The following PTPRA variants were observed in gnomAD, a reference collection of about 807,000 sequenced individuals.
The protein encoded by PTPRA is receptor-type tyrosine-protein phosphatase alpha.
In PTPRA, 25 loss-of-function variants were observed where a neutral mutation model predicts 104.8. That is an observed-to-expected ratio of 0.24 (90% CI 0.17 to 0.33). The LOEUF is 0.33. PTPRA is among the 10% of genes least tolerant of loss of function. PTPRA has a pLI of 1.00. For synonymous variants in PTPRA, 323 were observed against 368.9 expected (o/e 0.88, Z 1.43); for missense variants, 765 against 1,015.3 (o/e 0.75, Z 3.35).
chr20:2,892,623 T>C (rs2058844485), intron 1 of PTPRA, among the ~76,000 whole-genome samples: 1 of 152,200 alleles, frequency 6.6e-6, no homozygotes, highest in Non-Finnish European at 1.5e-5. Flanking sequence ...TCTGCTCAAC[T>C]GTATGCTAAT....
At chr20:2,982,144 G>A (rs1219519685) in intron 6 of PTPRA, among the ~76,000 whole-genome samples, 2 of 147,854 alleles carry the variant, frequency 1.4e-5, no homozygotes, top group Non-Finnish European at 3.0e-5. Flanking sequence ...AGGCTGGAGT[G>A]CAGTGGCACG....
chr20:2,934,298 T>G (rs1253920956), intron 2 of PTPRA, among the ~76,000 whole-genome samples: 1 of 152,080 alleles, frequency 6.6e-6, no homozygotes, highest in Non-Finnish European at 1.5e-5. Flanking sequence ...GAGACTATAT[T>G]TCACCATGTT....
At chr20:2,919,495 T>C (rs1178679432) in intron 1 of PTPRA, among the ~76,000 whole-genome samples, 1 of 152,208 alleles carries the variant, frequency 6.6e-6, no homozygotes, top group African/African-American at 2.4e-5. Context: ...CTGGACACTT[T>C]GCTAGGCTCT....
At chr20:3,008,739 A>AG (rs1447780401) in intron 11 of PTPRA, among the ~76,000 whole-genome samples, 1 of 117,814 alleles carries the variant, frequency 8.5e-6, no homozygotes, top group Non-Finnish European at 1.6e-5. Context: ...AAAAAAAAAA[A>AG]AAAAACAAAA....
At chr20:3,036,839 C>G (rs2065823194) in intron 22 of PTPRA, among the ~76,000 whole-genome samples, 3 of 152,126 alleles carry the variant, frequency 2.0e-5, no homozygotes, top group Non-Finnish European at 4.4e-5. Context: ...CTAGTTCTAA[C>G]TGAGCGAACA....
intron 20 of PTPRA, among the ~76,000 whole-genome samples, chr20:3,030,191 TC>T (rs1188595305): frequency 1.3e-5 from 2 of 152,192 alleles, no homozygotes; most frequent in Non-Finnish European, 1.5e-5. Context: ...TGCAGGCTCT[TC>T]CATCCTTGAA....
intron 5 of PTPRA, among the ~76,000 whole-genome samples, chr20:2,971,138 T>C (rs1198508632): frequency 6.6e-6 from 1 of 152,226 alleles, no homozygotes; most frequent in African/African-American, 2.4e-5. Context: ...TTGTTAATTT[T>C]ATTTTTCAGA....
intron 20 of PTPRA, among the ~76,000 whole-genome samples, chr20:3,034,148 G>A (rs1450778263): frequency 6.6e-6 from 1 of 152,156 alleles, no homozygotes; most frequent in Non-Finnish European, 1.5e-5. Context: ...GCGCACACTT[G>A]TAGTCCCAGC....
chr20:3,028,524 A>G (rs80123361), intron 20 of PTPRA, among the ~76,000 whole-genome samples: 2,891 of 152,298 alleles, frequency 0.019, 78 homozygotes, highest in African/African-American at 0.053. Flanking sequence ...AGCCTCTACT[A>G]AGCACATTCA....
chr20:2,943,154 G>A (rs951240411), intron 2 of PTPRA, among the ~76,000 whole-genome samples: 2 of 151,172 alleles, frequency 1.3e-5, no homozygotes, highest in Admixed American at 1.3e-4. Context: ...AGTTTACGTA[G>A]GGTTCAGTAC....
At chr20:2,975,309 T>C in intron 6 of PTPRA, 68 bp downstream of exon 6, 2 of 1,375,080 alleles carry the variant, frequency 1.5e-6, no homozygotes, top group Non-Finnish European at 2.0e-6. Context: ...TTTCCTCTGC[T>C]CACAGTCTGT....
rs3787478 is a variant in PTPRA at position 2,978,652 on chromosome 20, A to T, written c.442+3411A>T. ...CACCATTTTAGTGGTTTTCATTTTC[A>T]TGCTTGCTCCCTGGCCTGAATCTAG... On this transcript the variant is annotated intron_variant, in intron 6 of 23. Transcript: ENST00000399903. Among the ~76,000 whole-genome samples the T allele has an allele frequency of 1.2e-3, 178 of 152,010 alleles. No homozygotes were observed. In the South Asian group the frequency reaches 0.022, roughly 19 times the overall value.
intron 1 of PTPRA, among the ~76,000 whole-genome samples, chr20:2,905,856 T>C (rs1291439332): frequency 3.9e-5 from 6 of 151,986 alleles, no homozygotes; most frequent in Non-Finnish European, 8.8e-5. Flanking sequence ...GGCTACTTTT[T>C]TGTATTTTTA....
At position 2,873,967 on chromosome 20, in the gene PTPRA, G is replaced by T. The variant is rs2089529856; in HGVS notation, c.-129+207G>T. The stretch of plus-strand genomic sequence containing the variant: ...GGGAGGGGGTCCCCGGAAACGTGCC[G>T]GCCCGAGTGCCGACCCCTCGCGACT... On this transcript the variant is annotated intron_variant, in intron 1 of 23. Coordinates refer to ENST00000399903, the MANE Select transcript of PTPRA (RefSeq NM_001385305.1). The surrounding 1 kb of genome is among the most constrained non-coding windows in gnomAD (Gnocchi z 4.4). Among the ~76,000 whole-genome samples the T allele has an allele frequency of 6.6e-6, 1 of 152,164 alleles. No individual in the cohort carries two copies. Among genetic ancestry groups the T allele is most frequent in the Non-Finnish European group, 1.5e-5 (1 of 68,014 alleles).
chr20:3,022,285 A>G lies in PTPRA; in HGVS notation c.1328+65A>G. The stretch of plus-strand genomic sequence containing the variant: ...TCGCCCCCATGGCCAGAGCAGGGGA[A>G]CAGCACAAGGGCCCTGGCTGAGGAG... On this transcript the variant is annotated intron_variant, in intron 15 of 23. Transcript: ENST00000399903. The surrounding 1 kb of genome is among the most constrained non-coding windows in gnomAD (Gnocchi z 4.6). 1 of 1,571,368 alleles carries G rather than the reference A, an allele frequency of 6.4e-7. No homozygotes were observed. The highest frequency in any genetic ancestry group is 8.7e-7 in the Non-Finnish European group (1 of 1,149,738).
chr20:3,035,850 C>T lies in PTPRA; in HGVS notation c.2107C>T (p.Pro703Ser). The change falls in exon 22 of 24, where the codon CCC becomes TCC. Residue 703 changes from proline (P) to serine (S), a missense_variant. Pro to Ser is a moderately conservative substitution (Grantham distance 74). Transcript: ENST00000399903. This position sits in a 1 kb window ranked among gnomAD's most constrained non-coding sequence, Gnocchi z 5.8. ...HFHGWPEVGI[P>S]SDGKGMISII... ...CCATGGCTGGCCTGAAGTGGGCATC[C>T]CCAGTGACGGAAAGGGCATGATCAG... The T allele has an allele frequency of 6.2e-7, 1 of 1,614,166 alleles. No homozygotes were observed. The highest frequency in any genetic ancestry group is 8.5e-7 in the Non-Finnish European group (1 of 1,180,046).
At chr20:2,963,535 C>T (rs762049975) in intron 3 of PTPRA, among the ~76,000 whole-genome samples, 5 of 151,466 alleles carry the variant, frequency 3.3e-5, no homozygotes, top group South Asian at 2.1e-4. Context: ...CGGAGGTTGC[C>T]GTGAGCCAAG....
the PTPRA span, among the ~76,000 whole-genome samples, chr20:2,867,450 G>T: frequency 3.9e-5 from 6 of 152,254 alleles, no homozygotes; most frequent in Admixed American, 1.3e-4. Flanking sequence ...TACCCGCGGG[G>T]CCCTCTGCTC....
At position 3,035,902 on chromosome 20, in the gene PTPRA, A is replaced by G; in HGVS notation, c.2159A>G (p.Gln720Arg). The G allele has an allele frequency of 6.2e-7, 1 of 1,613,962 alleles. No individual in the cohort carries two copies. Among genetic ancestry groups the G allele is most frequent in the Non-Finnish European group, 8.5e-7 (1 of 1,180,036 alleles). ...ISIIAAVQKQ[Q>R]QQSGNHPITV... is the part of the protein sequence containing the mutation. ...ATCATCGCCGCCGTGCAGAAGCAGC[A>G]GCAGCAGTCAGGGAACCACCCCATC... The change falls in exon 22 of 24, where the codon CAG (glutamine) becomes CGG (arginine). Residue 720 changes from glutamine (Q) to arginine (R), a missense_variant. Physicochemically the swap from Gln to Arg is conservative, Grantham distance 43. Transcript: ENST00000399903. This position sits in a 1 kb window ranked among gnomAD's most constrained non-coding sequence, Gnocchi z 5.8.
Sources: allele counts gnomAD v4.1 joint callset (sites outside exome capture counted in the v4.1 genomes callset), GRCh38; gene constraint gnomAD v4.1.1; non-coding constraint Gnocchi (gnomAD v3.1); transcripts MANE v1.5; gene names NCBI Gene and HGNC (gene_info 2026-07-23, HGNC 2026-07-21).